Variants in ADPGK observed in about 807,000 individuals in gnomAD.
ADPGK encodes ADP-dependent glucokinase.
ADPGK carries 26 observed loss-of-function variants against 42.4 expected under a neutral mutation model. The ratio of observed to expected loss-of-function variants is 0.61; its 90% CI spans 0.45 to 0.85. The LOEUF (loss-of-function observed/expected upper bound fraction) is 0.85, where lower values mean the gene tolerates loss of function less well. Among genes scored for constraint, ADPGK ranks in the 40% least tolerant of loss-of-function variants. The probability of loss-of-function intolerance (pLI) is 0.00; values close to 1 mark genes in which losing one functional copy is unlikely to be tolerated. For missense variants in ADPGK, 571 were observed against 627.0 expected, an observed-to-expected ratio of 0.91 and a Z score of 0.95; for synonymous variants, 267 against 252.6, an observed-to-expected ratio of 1.06 and a Z score of -0.54.
chr15:72,777,405 T>C (rs943643886), intron 1 of ADPGK, among the ~76,000 whole-genome samples: 1 of 152,104 alleles, frequency 6.6e-6, no homozygotes, highest in South Asian at 2.1e-4. Flanking sequence ...TCAAAAACTA[T>C]AAACACCCTC....
At chr15:72,769,599 G>A (rs1039680635) in intron 3 of ADPGK, among the ~76,000 whole-genome samples, 1 of 152,082 alleles carries the variant, frequency 6.6e-6, no homozygotes, top group Non-Finnish European at 1.5e-5. Context: ...CGCCTGCCTC[G>A]GCCTCCCAAA....
intron 3 of ADPGK, among the ~76,000 whole-genome samples, chr15:72,769,736 T>C (rs913727628): frequency 6.6e-6 from 1 of 152,236 alleles, no homozygotes; most frequent in Non-Finnish European, 1.5e-5. Flanking sequence ...AGATGCAATA[T>C]AGCATGGCTA....
chr15:72,783,335 AAGGGGCC>A (rs1184133145), intron 1 of ADPGK, 117 bp downstream of exon 1: 2 of 1,282,868 alleles, frequency 1.6e-6, no homozygotes. Flanking sequence ...ACTTCTCGCC[AAGGGGCC>A]AGCGCGGACA....
At chr15:72,774,256 G>A (rs78665579) in intron 2 of ADPGK, among the ~76,000 whole-genome samples, 50 of 152,342 alleles carry the variant, frequency 3.3e-4, no homozygotes, top group Non-Finnish European at 5.6e-4. Context: ...CAGACTGGGT[G>A]CCCAGCCAAA....
chr15:72,766,643 C>T (rs1220693521), intron 3 of ADPGK, among the ~76,000 whole-genome samples: 2 of 152,148 alleles, frequency 1.3e-5, no homozygotes, highest in African/African-American at 4.8e-5. Context: ...AAACAAAATT[C>T]ATGCGTTTTA....
At chr15:72,780,047 T>C (rs1362000595) in intron 1 of ADPGK, among the ~76,000 whole-genome samples, 1 of 152,248 alleles carries the variant, frequency 6.6e-6, no homozygotes, top group South Asian at 2.1e-4. Flanking sequence ...TACAAGATCT[T>C]GGGCAAATAA....
intron 2 of ADPGK, 116 bp downstream of exon 2, chr15:72,774,756 G>A (rs991078710): frequency 7.1e-6 from 6 of 841,146 alleles, no homozygotes; most frequent in East Asian, 2.6e-5. Flanking sequence ...AACCAGGGGT[G>A]ATTTTGCTCC....
chr15:72,767,003 G>C (rs865987040), intron 3 of ADPGK, among the ~76,000 whole-genome samples: 2 of 152,120 alleles, frequency 1.3e-5, no homozygotes, highest in South Asian at 4.1e-4. Flanking sequence ...GATTGTCAAA[G>C]TGGATTAAAA....
At chr15:72,782,257 T>C (rs919136455) in intron 1 of ADPGK, among the ~76,000 whole-genome samples, 3 of 152,116 alleles carry the variant, frequency 2.0e-5, no homozygotes, top group African/African-American at 7.2e-5. Context: ...AAGGACAATT[T>C]AATCCCAGCA....
intron 1 of ADPGK, among the ~76,000 whole-genome samples, chr15:72,781,372 AG>A (rs1265241121): frequency 1.3e-5 from 2 of 152,174 alleles, no homozygotes; most frequent in African/African-American, 4.8e-5. Context: ...CCTCTACCAT[AG>A]GATTCTCGCT....
At chr15:72,782,231 C>T (rs969897718) in intron 1 of ADPGK, among the ~76,000 whole-genome samples, 3 of 152,068 alleles carry the variant, frequency 2.0e-5, no homozygotes, top group Admixed American at 6.5e-5. Flanking sequence ...GCTGAATGAA[C>T]GCGCATAAAG....
chr15:72,783,561 G>A lies in ADPGK; in HGVS notation c.131C>T (p.Ala44Val). 6.7e-7 allele frequency: 1 copy of A among 1,499,442 alleles called. No homozygotes were observed. Among genetic ancestry groups the A allele is most frequent in the Admixed American group, 2.1e-5 (1 of 47,120 alleles). 92.9% of individuals were successfully genotyped at this position (1,499,442 alleles called of 1,614,324 possible). A position where few individuals can be genotyped will look rare whatever the true frequency, so the allele number is the denominator to read the frequency against. ...GGAGACGGGTCCCGGGGGCGCAGGC[G>A]CGGGCCCCAGACACAGCGAGCTCCA... Reference protein sequence around the residue: ...SLWSSLCLGPAPAPPGPVSPE... With the variant: ...SLWSSLCLGPVPAPPGPVSPE... Residue 44 changes from alanine to valine, a missense_variant, in exon 1 of 7, where the codon GCG (alanine) becomes GTG (valine). Ala to Val is a moderately conservative substitution (Grantham distance 64, BLOSUM62 0). Coordinates refer to ENST00000456471, the MANE Select transcript of ADPGK (RefSeq NM_001365225.1).
At chr15:72,759,409 C>T (rs60831959) in intron 4 of ADPGK, among the ~76,000 whole-genome samples, 112 of 152,332 alleles carry the variant, frequency 7.4e-4, no homozygotes, top group African/African-American at 2.5e-3. Context: ...CCTACGTCAA[C>T]GCTGTGTCCC....
rs1289050422 is a variant in ADPGK at position 72,775,318 on chromosome 15, A to C, written c.234-221T>G. Among the ~76,000 whole-genome samples the C allele has an allele frequency of 2.0e-5, 3 of 152,246 alleles. No individual in the cohort carries two copies. The East Asian group carries it at 5.8e-4, about 29-fold the overall frequency. ...ACACAGGACTCTTCAATAATTTGGC[A>C]AACTTTTACACTAGTTACAAAGTGA... On this transcript the variant is annotated intron_variant, in intron 1 of 6. Coordinates refer to ENST00000456471, the MANE Select transcript of ADPGK (RefSeq NM_001365225.1).
At position 72,783,755 on chromosome 15, in the gene ADPGK, C is replaced by A; in HGVS notation, c.-64G>T. 7.2e-7 allele frequency: 1 copy of A among 1,381,358 alleles called. No homozygotes were observed. The highest frequency in any genetic ancestry group is 1.6e-5 in the South Asian group (1 of 63,602). 85.6% of individuals were successfully genotyped at this position (1,381,358 alleles called of 1,614,324 possible). On this transcript the variant is annotated 5_prime_UTR_variant, in exon 1 of 7. Transcript: ENST00000456471. ...TCCTAGCCCGCGCCTCTTCCGGGCT[C>A]GGCGCGCGCCGATGTCGACACAAGC...
intron 2 of ADPGK, among the ~76,000 whole-genome samples, chr15:72,773,813 G>C (rs1456181523): frequency 3.9e-5 from 6 of 152,192 alleles, no homozygotes; most frequent in Admixed American, 6.5e-5. Context: ...ACTCAGCTAG[G>C]TAATGCCTAT....
intron 1 of ADPGK, among the ~76,000 whole-genome samples, chr15:72,778,515 A>G (rs543034348): frequency 1.1e-4 from 17 of 152,124 alleles, no homozygotes; most frequent in East Asian, 1.9e-4. Context: ...TAAAAAATGT[A>G]TATTAGATGA....
chr15:72,751,395 A>G lies in ADPGK; in HGVS notation c.*946T>C, dbSNP rs1470716303. 6 of 152,638 alleles carry G rather than the reference A, an allele frequency of 3.9e-5. No homozygotes were observed. Among genetic ancestry groups the G allele is most frequent in the Non-Finnish European group, 8.8e-5 (6 of 68,026 alleles). 9.5% of individuals were successfully genotyped at this position (152,638 alleles called of 1,614,324 possible). A position where few individuals can be genotyped will look rare whatever the true frequency, so the allele number is the denominator to read the frequency against. On this transcript the variant is annotated 3_prime_UTR_variant, in exon 7 of 7. Transcript: ENST00000456471. ...CTGAAATGTAAATTGTTTTTAATAT[A>G]TTTAAGAGCACACAGAAGTCTTGAT...
intron 2 of ADPGK, among the ~76,000 whole-genome samples, chr15:72,773,415 T>TA (rs2066352532): frequency 6.6e-6 from 1 of 152,108 alleles, no homozygotes; most frequent in African/African-American, 2.4e-5. Context: ...TAGAATTTAC[T>TA]AAAAAAAATC....
Sources: gnomAD v4.1 joint callset for allele counts (sites outside exome capture counted in the v4.1 genomes callset) on GRCh38, gnomAD v4.1.1 for gene constraint, MANE v1.5 for transcripts, NCBI Gene and HGNC (gene_info 2026-07-23, HGNC 2026-07-21) for gene names.